Variants in STIM2 observed in about 807,000 individuals in gnomAD.
STIM2 encodes the protein stromal interaction molecule 2.
STIM2 carries 31 observed loss-of-function variants against 85.8 expected under a neutral mutation model. The ratio of observed to expected loss-of-function variants is 0.36; its 90% CI spans 0.27 to 0.49. STIM2 has a LOEUF of 0.49. Ranked by LOEUF, STIM2 falls within the 20% of genes least tolerant of loss-of-function variation. The probability of loss-of-function intolerance (pLI) is 0.98; values close to 1 mark genes in which losing one functional copy is unlikely to be tolerated. For synonymous variants in STIM2, 356 were observed against 331.1 expected (o/e 1.08, Z -0.82); for missense variants, 841 against 927.6 (o/e 0.91, Z 1.21).
intron 3 of STIM2, among the ~76,000 whole-genome samples, chr4:26,982,665 T>A (rs1350676557): frequency 1.3e-5 from 2 of 152,186 alleles, no homozygotes; most frequent in African/African-American, 2.4e-5. Context: ...TTTAGCTGAA[T>A]TGCTGTTTAG....
chr4:26,984,802 G>T (rs1362683236), intron 3 of STIM2, among the ~76,000 whole-genome samples: 1 of 152,172 alleles, frequency 6.6e-6, no homozygotes, highest in Non-Finnish European at 1.5e-5. Flanking sequence ...TTCCCTCAGT[G>T]TCCCCTGTAC....
At chr4:26,989,587 T>C (rs908608315) in intron 3 of STIM2, among the ~76,000 whole-genome samples, 7 of 152,160 alleles carry the variant, frequency 4.6e-5, no homozygotes, top group Non-Finnish European at 8.8e-5. Context: ...CCACTTTTAT[T>C]CAGTGTAATA....
chr4:26,905,775 G>T (rs1438942408), intron 1 of STIM2, among the ~76,000 whole-genome samples: 2 of 151,992 alleles, frequency 1.3e-5, no homozygotes, highest in Non-Finnish European at 2.9e-5. Context: ...TGGTGTTCTG[G>T]GTAGGAATAT....
intron 2 of STIM2, among the ~76,000 whole-genome samples, chr4:26,942,899 T>C (rs1281918163): frequency 1.3e-5 from 2 of 152,142 alleles, no homozygotes; most frequent in African/African-American, 2.4e-5. Context: ...TGGCTTCATA[T>C]ATCCAACTGC....
chr4:27,021,057 C>T (rs1281344546), intron 11 of STIM2: 1 of 1,163,468 alleles, frequency 8.6e-7, no homozygotes, highest in Admixed American at 2.6e-5. Flanking sequence ...GTAAAGCTCT[C>T]AAAAAAAAAA....
chr4:26,962,116 G>A lies in STIM2; in HGVS notation c.397+4390G>A, dbSNP rs530692864. Among the ~76,000 whole-genome samples the A allele has an allele frequency of 9.2e-5, 14 of 152,244 alleles. 1 individual carries two copies. In the South Asian group the frequency reaches 2.7e-3, roughly 29 times the overall value. On this transcript the variant is annotated intron_variant, in intron 3 of 11. Transcript: ENST00000467087. ...GGAGGCGGCATGCTATAGAAAGTAT[G>A]TAGGCTTTCAAACTATACAGCTTTA...
chr4:26,872,956 G>A (rs896785067), intron 1 of STIM2, among the ~76,000 whole-genome samples: 1 of 152,200 alleles, frequency 6.6e-6, no homozygotes, highest in Non-Finnish European at 1.5e-5. Flanking sequence ...AGGCAAGAAA[G>A]AATTGGAATT....
intron 7 of STIM2, among the ~76,000 whole-genome samples, chr4:27,003,757 G>A (rs1401528966): frequency 6.6e-6 from 1 of 152,114 alleles, no homozygotes; most frequent in Non-Finnish European, 1.5e-5. Context: ...GTCAGAGTGA[G>A]TTGAGGCGAG....
rs908113642 is a variant in STIM2, at chr4:26,994,387, A to G, written c.398-992A>G. Among the ~76,000 whole-genome samples the G allele has an allele frequency of 3.9e-5, 6 of 151,958 alleles. No individual in the cohort carries two copies. The South Asian group carries it at 1.2e-3, about 31-fold the overall frequency. ...CAGCCCCTGTCCATTTCATCAGCGC[A>G]TCTTAATAGCATTATCCCCAGAATA... On this transcript the variant is annotated intron_variant, in intron 3 of 11. Coordinates refer to ENST00000467087, the MANE Select transcript of STIM2 (RefSeq NM_020860.4).
intron 3 of STIM2, among the ~76,000 whole-genome samples, chr4:26,995,108 A>G (rs187183785): frequency 1.4e-4 from 21 of 152,270 alleles, no homozygotes; most frequent in Admixed American, 2.6e-4. Context: ...ACAACCAGAA[A>G]AATGATAGAT....
intron 8 of STIM2, 127 bp downstream of exon 8, chr4:27,007,827 A>G: frequency 9.7e-7 from 1 of 1,036,244 alleles, no homozygotes. Context: ...TTCAAACTGG[A>G]ACTTATTGTG....
At chr4:27,010,422 C>A (rs150181771) in intron 10 of STIM2, among the ~76,000 whole-genome samples, 1 of 152,092 alleles carries the variant, frequency 6.6e-6, no homozygotes, top group African/African-American at 2.4e-5. Flanking sequence ...CCAGCCTGAG[C>A]GACAGAGCAA....
intron 3 of STIM2, among the ~76,000 whole-genome samples, chr4:26,974,257 G>A (rs530491433): frequency 6.6e-6 from 1 of 152,272 alleles, no homozygotes; most frequent in South Asian, 2.1e-4. Flanking sequence ...ATTGTTATGT[G>A]TGATATGATC....
rs535251864 is a variant in STIM2, at chr4:27,008,913, T to G, written c.1400T>G (p.Met467Arg). 1.2e-6 allele frequency: 2 copies of G among 1,614,178 alleles called. No homozygotes were observed. Among genetic ancestry groups the G allele is most frequent in the South Asian group, 1.1e-5 (1 of 91,084 alleles). ...TATTCTGATCACAGCTGGGTGGTGA[T>G]GCCCAGAGTCTCCATTCCACCCTAT... Residue 467 changes from methionine (M) to arginine (R), a missense_variant, in exon 10 of 12, where the codon ATG becomes AGG. Met to Arg is a moderately conservative substitution (Grantham distance 91). Transcript: ENST00000467087.
intron 2 of STIM2, among the ~76,000 whole-genome samples, chr4:26,943,784 A>C (rs1447778782): frequency 6.6e-6 from 1 of 152,092 alleles, no homozygotes; most frequent in South Asian, 2.1e-4. Flanking sequence ...TATGATTCAG[A>C]TTTAGTACTA....
At chr4:27,008,070 C>A in intron 8 of STIM2, 1 of 696,340 alleles carries the variant, frequency 1.4e-6, no homozygotes, top group Non-Finnish European at 2.6e-6. Context: ...AAGTCTTAAT[C>A]TGAATTCTAG....
At chr4:26,971,305 T>G (rs906924355) in intron 3 of STIM2, among the ~76,000 whole-genome samples, 1 of 152,224 alleles carries the variant, frequency 6.6e-6, no homozygotes, top group Admixed American at 6.5e-5. Context: ...GTTTTGGTCA[T>G]GAAGTCCTTG....
At chr4:26,923,137 G>T (rs1367283116) in intron 2 of STIM2, among the ~76,000 whole-genome samples, 2 of 151,226 alleles carry the variant, frequency 1.3e-5, no homozygotes, top group East Asian at 1.9e-4. Flanking sequence ...ACACGGCAGG[G>T]TATTCCAACA....
At chr4:26,878,952 T>TC (rs796317723) in intron 1 of STIM2, among the ~76,000 whole-genome samples, 2 of 151,954 alleles carry the variant, frequency 1.3e-5, no homozygotes, top group East Asian at 1.9e-4. Context: ...ATCAGGATCC[T>TC]CCCCCCACAC....
Sources: gnomAD v4.1 joint callset for allele counts (sites outside exome capture counted in the v4.1 genomes callset) on GRCh38, gnomAD v4.1.1 for gene constraint, MANE v1.5 for transcripts, NCBI Gene and HGNC (gene_info 2026-07-23, HGNC 2026-07-21) for gene names.